The following SGCZ variants were observed in gnomAD, a reference collection of about 807,000 sequenced individuals.
The protein encoded by SGCZ is sarcoglycan zeta, also known as zeta-sarcoglycan.
SGCZ carries 40 observed loss-of-function variants against 41.3 expected under a neutral mutation model. That is an observed-to-expected ratio of 0.97 (90% CI 0.75 to 1.26). The LOEUF is 1.26. Ranked by LOEUF, SGCZ falls within the 50% of genes most tolerant of loss-of-function variation. SGCZ has a pLI of 0.00. For synonymous variants in SGCZ, 206 were observed against 137.5 expected (o/e 1.50, Z -3.49); for missense variants, 552 against 369.8 (o/e 1.49, Z -4.04).
chr8:14,863,538 C>A (rs1012759560), intron 1 of SGCZ, among the ~76,000 whole-genome samples: 1 of 152,086 alleles, frequency 6.6e-6, no homozygotes, highest in African/African-American at 2.4e-5. Context: ...GTGCCTGAGT[C>A]ACCTAGAAAG....
intron 1 of SGCZ, among the ~76,000 whole-genome samples, chr8:14,600,594 A>AT (rs1195248986): frequency 1.3e-5 from 2 of 152,188 alleles, no homozygotes; most frequent in African/African-American, 4.8e-5. Context: ...GGATGCAGGT[A>AT]TAATCCATTA....
chr8:14,475,007 C>T (rs1801317782), intron 2 of SGCZ, among the ~76,000 whole-genome samples: 1 of 152,104 alleles, frequency 6.6e-6, no homozygotes, highest in African/African-American at 2.4e-5. Context: ...CATATTTTTT[C>T]TTCTCCAATC....
chr8:14,664,341 C>T (rs1482951203), intron 1 of SGCZ, among the ~76,000 whole-genome samples: 1 of 152,128 alleles, frequency 6.6e-6, no homozygotes, highest in Non-Finnish European at 1.5e-5. Context: ...GAATCTCTAA[C>T]TAGAATTATG....
intron 1 of SGCZ, among the ~76,000 whole-genome samples, chr8:15,066,633 C>G (rs1436432861): frequency 6.6e-6 from 1 of 152,172 alleles, no homozygotes; most frequent in East Asian, 1.9e-4. Flanking sequence ...CCAGTGTATT[C>G]AATTACCTCC....
In SGCZ at chr8:14,626,833, T is replaced by C. The variant is rs537963526; in HGVS notation, c.40-71907A>G. ...TCTAGTCACCAGAACTGAGAGACCATCAATTCTATTGCTTAATCCACTTAG... is the reference window on the plus strand; with the variant it reads ...TCTAGTCACCAGAACTGAGAGACCACCAATTCTATTGCTTAATCCACTTAG... On this transcript the variant is annotated intron_variant, in intron 1 of 7. Transcript: ENST00000382080. 4.6e-5 allele frequency among the ~76,000 whole-genome samples: 7 copies of C among 152,300 alleles called. No individual in the cohort carries two copies. The South Asian group carries it at 1.5e-3, about 32-fold the overall frequency.
At chr8:15,009,819 AT>A (rs1319878098) in intron 1 of SGCZ, among the ~76,000 whole-genome samples, 1 of 152,120 alleles carries the variant, frequency 6.6e-6, no homozygotes, top group African/African-American at 2.4e-5. Flanking sequence ...GCCTCTGTCC[AT>A]TTTTTTAAAT....
chr8:14,818,587 C>A (rs970612561), intron 1 of SGCZ, among the ~76,000 whole-genome samples: 5 of 152,100 alleles, frequency 3.3e-5, no homozygotes, highest in African/African-American at 1.2e-4. Flanking sequence ...GAACCCAAAG[C>A]AAAGGACATT....
intron 1 of SGCZ, among the ~76,000 whole-genome samples, chr8:14,836,109 T>A (rs552048460): frequency 6.6e-6 from 1 of 152,078 alleles, no homozygotes; most frequent in African/African-American, 2.4e-5. Context: ...CCCCCATCAT[T>A]TTTACTGCCT....
intron 1 of SGCZ, among the ~76,000 whole-genome samples, chr8:14,829,023 T>A (rs1170461963): frequency 6.6e-6 from 1 of 152,146 alleles, no homozygotes; most frequent in East Asian, 1.9e-4. Context: ...TCAGCTAATT[T>A]TCTTTGAACT....
At chr8:15,237,515 C>G (rs1409697868) in intron 1 of SGCZ, 70 bp downstream of exon 1, 5 of 1,531,752 alleles carry the variant, frequency 3.3e-6, no homozygotes, top group Admixed American at 1.9e-5. Context: ...CTGGAGGAGC[C>G]GCGGGAAGGA....
intron 1 of SGCZ, among the ~76,000 whole-genome samples, chr8:15,004,857 G>A (rs10888094): frequency 0.52 from 78,187 of 149,548 alleles, 20,368 homozygotes; most frequent in South Asian, 0.58. Context: ...AGTGTTTATC[G>A]CAATGAACTG....
intron 1 of SGCZ, among the ~76,000 whole-genome samples, chr8:14,813,840 C>T (rs964727769): frequency 3.3e-5 from 5 of 152,116 alleles, no homozygotes; most frequent in African/African-American, 4.8e-5. Context: ...GTAATCCCAG[C>T]TATACAAGAC....
chr8:15,110,801 T>G (rs1443382098), intron 1 of SGCZ, among the ~76,000 whole-genome samples: 3 of 152,038 alleles, frequency 2.0e-5, no homozygotes, highest in African/African-American at 7.2e-5. Context: ...AAACCCTGTC[T>G]CTACTAAAAA....
In SGCZ at chr8:14,612,524, G is replaced by A. The variant is rs554462539; in HGVS notation, c.40-57598C>T. Among the ~76,000 whole-genome samples the A allele has an allele frequency of 3.3e-5, 5 of 152,216 alleles. No homozygotes were observed. The South Asian group carries it at 8.3e-4, about 25-fold the overall frequency. On this transcript the variant is annotated intron_variant, in intron 1 of 7. Coordinates refer to ENST00000382080, the MANE Select transcript of SGCZ (RefSeq NM_139167.4). ...AGCACTGTGAGAATGGACTAATACAGAGGTTTATGGAATTATAGCCACAAA... is the reference window on the plus strand; with the variant it reads ...AGCACTGTGAGAATGGACTAATACAAAGGTTTATGGAATTATAGCCACAAA...
intron 1 of SGCZ, among the ~76,000 whole-genome samples, chr8:15,029,199 T>C (rs2130955527): frequency 6.6e-6 from 1 of 152,198 alleles, no homozygotes; most frequent in East Asian, 1.9e-4. Flanking sequence ...GAAAATTTAA[T>C]GTGCTTTGGT....
chr8:14,726,871 G>C (rs1270488744), intron 1 of SGCZ, among the ~76,000 whole-genome samples: 2 of 151,882 alleles, frequency 1.3e-5, no homozygotes, highest in Admixed American at 1.3e-4. Context: ...CTAGTATCTA[G>C]TATAAATATT....
intron 2 of SGCZ, among the ~76,000 whole-genome samples, chr8:14,326,576 G>A (rs1325320874): frequency 6.6e-6 from 1 of 152,164 alleles, no homozygotes; most frequent in Non-Finnish European, 1.5e-5. Context: ...AAATTAGGAT[G>A]AGAGTGAAGA....
chr8:14,293,810 T>C (rs570410407), intron 3 of SGCZ, among the ~76,000 whole-genome samples: 1 of 152,012 alleles, frequency 6.6e-6, no homozygotes, highest in Non-Finnish European at 1.5e-5. Flanking sequence ...TTGGTAAGAT[T>C]ATCCTCATCA....
At chr8:14,346,687 TAAGGG>T (rs1179559088) in intron 2 of SGCZ, among the ~76,000 whole-genome samples, 2 of 152,184 alleles carry the variant, frequency 1.3e-5, no homozygotes, top group East Asian at 3.9e-4. Context: ...TTTTACATTA[TAAGGG>T]AAGAATAATT....
Sources: allele counts gnomAD v4.1 joint callset (sites outside exome capture counted in the v4.1 genomes callset), GRCh38; gene constraint gnomAD v4.1.1; transcripts MANE v1.5; gene names NCBI Gene and HGNC (gene_info 2026-07-23, HGNC 2026-07-21).